The following HS6ST1 variants were observed in gnomAD, a reference collection of about 807,000 sequenced individuals.
HS6ST1 encodes the protein heparan sulfate 6-O-sulfotransferase 1.
HS6ST1 carries 3 observed loss-of-function variants against 25.2 expected under a neutral mutation model. The ratio of observed to expected loss-of-function variants is 0.12; its 90% CI spans 0.05 to 0.31. The LOEUF (loss-of-function observed/expected upper bound fraction) is 0.31. Among genes scored for constraint, HS6ST1 ranks in the 10% least tolerant of loss-of-function variants. The pLI is 1.00. For synonymous variants in HS6ST1, 204 were observed against 275.1 expected, an observed-to-expected ratio of 0.74 and a Z score of 2.56; for missense variants, 310 against 609.6, an observed-to-expected ratio of 0.51 and a Z score of 5.18.
rs76513833 is a variant in HS6ST1 at position 128,311,388 on chromosome 2, T to C, written c.527+6649A>G. On this transcript the variant is annotated intron_variant, in intron 1 of 1. Transcript: ENST00000259241. ...TGGCAGGGGATGGCCCGAGTCTGCC[T>C]CCCGCCTGAATCATGCAGCCCTTCC... Among the ~76,000 whole-genome samples, 1,008 of 152,240 alleles carry C rather than the reference T, an allele frequency of 6.6e-3. 15 individuals carry two copies. Among genetic ancestry groups the C allele is most frequent in the African/African-American group, 0.022 (904 of 41,524 alleles).
chr2:128,268,433 G>A lies in HS6ST1; in HGVS notation c.965C>T (p.Thr322Met), dbSNP rs374196972. The A allele has an allele frequency of 1.7e-5, 27 of 1,613,540 alleles. No homozygotes were observed. The highest frequency in any genetic ancestry group is 1.9e-5 in the Non-Finnish European group (22 of 1,179,872). ...ATCCACCTCCACGCCGCCCGCCCGC[G>A]TGCTATTGTACTGCATGAAGGGCCG... Reference protein sequence around the residue: ...FIRPFMQYNSTRAGGVEVDED... With the variant: ...FIRPFMQYNSMRAGGVEVDED... The change falls in exon 2 of 2, where the codon ACG becomes ATG. Residue 322 changes from threonine to methionine, a missense_variant. Coordinates refer to ENST00000259241, the MANE Select transcript of HS6ST1 (RefSeq NM_004807.3).
chr2:128,285,849 G>A (rs956780877), intron 1 of HS6ST1, among the ~76,000 whole-genome samples: 2 of 152,234 alleles, frequency 1.3e-5, no homozygotes, highest in East Asian at 1.9e-4. Context: ...CCCTCAGGCC[G>A]GCAGTGGGAC....
intron 1 of HS6ST1, among the ~76,000 whole-genome samples, chr2:128,284,505 T>TTTTTTTTTTTTC (rs534256206): frequency 0.28 from 37,868 of 137,178 alleles, 6,406 homozygotes; most frequent in African/African-American, 0.41. Flanking sequence ...ATCGTCCCTC[T>TTTTTTTTTTTTC]TTTTTTTTTT....
chr2:128,268,908 G>A (rs552959293), intron 1 of HS6ST1, 38 bp from the exon 2 acceptor site: 82 of 1,547,758 alleles, frequency 5.3e-5, no homozygotes, highest in Admixed American at 1.7e-4. Context: ...GGGCTGTGAC[G>A]CAGCATGAGG....
chr2:128,296,285 C>T (rs979837386), intron 1 of HS6ST1, among the ~76,000 whole-genome samples: 1 of 152,204 alleles, frequency 6.6e-6, no homozygotes, highest in Admixed American at 6.5e-5. Context: ...CAAAAGCTTT[C>T]CTCTACTTTG....
rs1313422880 is a variant in HS6ST1 at position 128,268,844 on chromosome 2, C to T, written c.554G>A (p.Arg185Gln). 6.2e-7 allele frequency: 1 copy of T among 1,611,118 alleles called. No individual in the cohort carries two copies. Residue 185 changes from arginine (R) to glutamine (Q), a missense_variant, in exon 2 of 2, where the codon CGA becomes CAA. By Grantham distance (43) the Arg-to-Gln change is conservative (BLOSUM62 1). Coordinates refer to ENST00000259241, the MANE Select transcript of HS6ST1 (RefSeq NM_004807.3). ...PRKFYYITLLRDPVSRYLSEW... is the reference protein window; with the variant it reads ...PRKFYYITLLQDPVSRYLSEW... Reference sequence around the variant, plus strand: ...GCTCAGGTAGCGGGACACGGGGTCTCGTAGCAGGGTGATGTAGTAGAACTT... The same window carrying T: ...GCTCAGGTAGCGGGACACGGGGTCTTGTAGCAGGGTGATGTAGTAGAACTT...
At chr2:128,306,349 A>G (rs1313662384) in intron 1 of HS6ST1, among the ~76,000 whole-genome samples, 3 of 152,132 alleles carry the variant, frequency 2.0e-5, no homozygotes, top group Non-Finnish European at 4.4e-5. Flanking sequence ...CCAGGATTCC[A>G]GGGAGAACGC....
At chr2:128,273,398 G>A (rs1327277125) in intron 1 of HS6ST1, among the ~76,000 whole-genome samples, 2 of 152,254 alleles carry the variant, frequency 1.3e-5, no homozygotes, top group Non-Finnish European at 2.9e-5. Flanking sequence ...AAATGTGGGT[G>A]TTCCTGCCCC....
chr2:128,308,624 T>C (rs1384644912), intron 1 of HS6ST1, among the ~76,000 whole-genome samples: 1 of 152,194 alleles, frequency 6.6e-6, no homozygotes, highest in African/African-American at 2.4e-5. Flanking sequence ...GAGATCCTGG[T>C]AGAGACAGCC....
At chr2:128,305,517 G>C (rs1694195743) in intron 1 of HS6ST1, among the ~76,000 whole-genome samples, 1 of 152,248 alleles carries the variant, frequency 6.6e-6, no homozygotes, top group African/African-American at 2.4e-5. Context: ...CGGGAGCCCT[G>C]GGGTCTGCAG....
At position 128,302,411 on chromosome 2, in the gene HS6ST1, A is replaced by G. The variant is rs533158775; in HGVS notation, c.527+15626T>C. Among the ~76,000 whole-genome samples, 10 of 152,252 alleles carry G rather than the reference A, an allele frequency of 6.6e-5. No homozygotes were observed. In the East Asian group the frequency reaches 9.7e-4, roughly 15 times the overall value. The stretch of plus-strand genomic sequence containing the variant: ...GTGCATGTGTGGGACTCTCTCACTA[A>G]GCATCCAGCTGAAGACACTCCCATC... On this transcript the variant is annotated intron_variant, in intron 1 of 1. Coordinates refer to ENST00000259241, the MANE Select transcript of HS6ST1 (RefSeq NM_004807.3).
intron 1 of HS6ST1, among the ~76,000 whole-genome samples, chr2:128,317,150 G>A (rs545575375): frequency 1.7e-4 from 26 of 152,216 alleles, no homozygotes; most frequent in Non-Finnish European, 3.5e-4. Context: ...TTTAACTGCT[G>A]GAAACCCAGC....
At chr2:128,317,399 G>A (rs1054464005) in intron 1 of HS6ST1, among the ~76,000 whole-genome samples, 2 of 152,236 alleles carry the variant, frequency 1.3e-5, no homozygotes, top group African/African-American at 4.8e-5. Flanking sequence ...GCCTGTGCCT[G>A]GAAGAATTCG....
intron 1 of HS6ST1, among the ~76,000 whole-genome samples, chr2:128,294,109 C>T (rs76909602): frequency 0.019 from 2,948 of 152,288 alleles, 48 homozygotes; most frequent in Non-Finnish European, 0.03. Context: ...CTGCTGGAAA[C>T]CTGCCCCAAA....
Position 128,265,812 on chromosome 2 carries a change from T to G in HS6ST1, c.*2350A>C, listed in dbSNP as rs1299593522. ...TAGCTCCACTCCCTGCCTGTTTCCG[T>G]CCTCACAGCCCTGGGAGGGCCCCGG... On this transcript the variant is annotated 3_prime_UTR_variant, in exon 2 of 2. Coordinates refer to ENST00000259241, the MANE Select transcript of HS6ST1 (RefSeq NM_004807.3). The G allele has an allele frequency of 1.3e-5, 2 of 152,216 alleles. No homozygotes were observed. Among genetic ancestry groups the G allele is most frequent in the Non-Finnish European group, 2.9e-5 (2 of 68,044 alleles). The allele number at this position is 152,216 out of a possible 1,614,324, so 9.4% of individuals were successfully genotyped here.
intron 1 of HS6ST1, among the ~76,000 whole-genome samples, chr2:128,274,986 AAAAG>A (rs1299868792): frequency 6.6e-6 from 1 of 150,968 alleles, no homozygotes; most frequent in African/African-American, 2.4e-5. Flanking sequence ...AAAAAAAAAA[AAAAG>A]GAGTTGGGGT....
chr2:128,309,654 A>T (rs1325340684), intron 1 of HS6ST1, among the ~76,000 whole-genome samples: 6 of 152,246 alleles, frequency 3.9e-5, no homozygotes, highest in Admixed American at 1.3e-4. Flanking sequence ...ATTTGCTCTG[A>T]TGGCCCTCCT....
intron 1 of HS6ST1, among the ~76,000 whole-genome samples, chr2:128,281,443 G>A (rs765028204): frequency 1.6e-4 from 25 of 152,224 alleles, no homozygotes; most frequent in Non-Finnish European, 2.9e-4. Context: ...AGGTGTGGCT[G>A]TGTGACTGTC....
At chr2:128,269,837 G>A (rs923249801) in intron 1 of HS6ST1, among the ~76,000 whole-genome samples, 1 of 152,216 alleles carries the variant, frequency 6.6e-6, no homozygotes, top group Non-Finnish European at 1.5e-5. Flanking sequence ...GGATTCCCCA[G>A]ATGGCAACAT....
Sources: allele counts gnomAD v4.1 joint callset (sites outside exome capture counted in the v4.1 genomes callset), GRCh38; gene constraint gnomAD v4.1.1; transcripts MANE v1.5; gene names NCBI Gene and HGNC (gene_info 2026-07-23, HGNC 2026-07-21).